PLEKHG3: variants seen among roughly 807,000 people sequenced by gnomAD.
PLEKHG3 encodes the protein pleckstrin homology and RhoGEF domain containing G3, also known as pleckstrin homology domain-containing family G member 3.
PLEKHG3 carries 62 observed loss-of-function variants against 94.9 expected under a neutral mutation model. That is an observed-to-expected ratio of 0.65 (90% CI 0.53 to 0.81). The LOEUF (loss-of-function observed/expected upper bound fraction) is 0.81. PLEKHG3 is among the 30% of genes least tolerant of loss of function. The pLI, the probability that PLEKHG3 is intolerant of heterozygous loss-of-function variation, is 0.00. For synonymous variants in PLEKHG3, 614 were observed against 654.0 expected, an observed-to-expected ratio of 0.94 and a Z score of 0.93; for missense variants, 1,461 against 1,619.3, an observed-to-expected ratio of 0.90 and a Z score of 1.68.
chr14:64,749,702 A>C lies in PLEKHG3; in HGVS notation c.*5999A>C. 6.2e-7 allele frequency: 1 copy of C among 1,613,680 alleles called. No homozygotes were observed. The highest frequency in any genetic ancestry group is 8.5e-7 in the Non-Finnish European group (1 of 1,179,882). ...ACTCGCTGCCATTACTCAGCCTAGG[A>C]GGACAAAGGGTTTCCTGTCATGGAG... On this transcript the variant is annotated 3_prime_UTR_variant, in exon 17 of 17. Coordinates refer to ENST00000247226, the MANE Select transcript of PLEKHG3 (RefSeq NM_001308147.2). The surrounding 1 kb of genome is among the most constrained non-coding windows in gnomAD (Gnocchi z 4.7).
chr14:64,710,935 A>G (rs535231991), intron 1 of PLEKHG3, among the ~76,000 whole-genome samples: 76 of 152,256 alleles, frequency 5.0e-4, no homozygotes, highest in African/African-American at 1.6e-3. Flanking sequence ...TCATCAAGAA[A>G]AGGTTAAATT....
Position 64,730,291 on chromosome 14 carries a change from G to T in PLEKHG3, c.498G>T (p.Val166=), listed in dbSNP as rs1027101490. 4 of 1,535,108 alleles carry T rather than the reference G, an allele frequency of 2.6e-6. No homozygotes were observed. The African/African-American group carries it at 4.1e-5, about 16-fold the overall frequency. ...LDSCNSDPVA[V]ASCFVERSQE... is the part of the protein sequence containing the mutation. ...GCTGCAATAGTGACCCCGTGGCTGT[G>T]GCCAGCTGCTTTGTGGAAAGGGTAA... Residue 166 remains valine, a synonymous_variant, in exon 4 of 17, where the codon GTG becomes GTT. Transcript: ENST00000247226. This position sits in a 1 kb window ranked among gnomAD's most constrained non-coding sequence, Gnocchi z 5.4.
In PLEKHG3 at chr14:64,720,486, C is replaced by A. The variant is rs2081243977; in HGVS notation, c.-39-7107C>A. Among the ~76,000 whole-genome samples, 1 of 152,210 alleles carries A rather than the reference C, an allele frequency of 6.6e-6. No homozygotes were observed. Among genetic ancestry groups the A allele is most frequent in the South Asian group, 2.1e-4 (1 of 4,836 alleles). On this transcript the variant is annotated intron_variant, in intron 1 of 16. Coordinates refer to ENST00000247226, the MANE Select transcript of PLEKHG3 (RefSeq NM_001308147.2). The surrounding 1 kb of genome is among the most constrained non-coding windows in gnomAD (Gnocchi z 4.1). ...GCTCATCCCGGCGCCATCTCAGAGT[C>A]CTTCCAGCAGGCATTTATTGAACAC...
rs754940196 is a variant in PLEKHG3 at position 64,749,460 on chromosome 14, G to A, written c.*5757G>A. On this transcript the variant is annotated 3_prime_UTR_variant, in exon 17 of 17. Coordinates refer to ENST00000247226, the MANE Select transcript of PLEKHG3 (RefSeq NM_001308147.2). This position sits in a 1 kb window ranked among gnomAD's most constrained non-coding sequence, Gnocchi z 4.7. Reference sequence around the variant, plus strand: ...GGCGGTGCTCACGCCCTGCAGCCAGGACAGCATCTCCTCCTGCGGGGCGGA... The same window carrying A: ...GGCGGTGCTCACGCCCTGCAGCCAGAACAGCATCTCCTCCTGCGGGGCGGA... 6 of 1,601,362 alleles carry A rather than the reference G, an allele frequency of 3.7e-6. No individual in the cohort carries two copies. Among genetic ancestry groups the A allele is most frequent in the Non-Finnish European group, 5.1e-6 (6 of 1,178,480 alleles).
Position 64,742,060 on chromosome 14 carries a change from T to C in PLEKHG3, c.2543T>C (p.Ile848Thr), listed in dbSNP as rs2081708763. The C allele has an allele frequency of 6.2e-7, 1 of 1,606,438 alleles. No individual in the cohort carries two copies. The highest frequency in any genetic ancestry group is 8.5e-7 in the Non-Finnish European group (1 of 1,176,162). The change falls in exon 16 of 17, where the codon ATC (isoleucine) becomes ACC (threonine). Residue 848 changes from isoleucine to threonine, a missense_variant. By Grantham distance (89) the Ile-to-Thr change is moderately conservative (BLOSUM62 -1). Coordinates refer to ENST00000247226, the MANE Select transcript of PLEKHG3 (RefSeq NM_001308147.2). ...NGFDLHEPLF[I>T]LEEHELGAIT... Reference sequence around the variant, plus strand: ...TTTGACCTGCATGAGCCACTCTTCATCCTGGAGGAGCATGAGCTGGGAGCC... The same window carrying C: ...TTTGACCTGCATGAGCCACTCTTCACCCTGGAGGAGCATGAGCTGGGAGCC...
rs747776201 is a variant in PLEKHG3, at chr14:64,749,876, G to C, written c.*6173G>C. On this transcript the variant is annotated 3_prime_UTR_variant, in exon 17 of 17. Transcript: ENST00000247226. This position sits in a 1 kb window ranked among gnomAD's most constrained non-coding sequence, Gnocchi z 4.7. ...CTCTTTGATTTGAAAAACCCCTGAGGAGCAGCTCAGGCCTGGCACTGGTCC... is the reference window on the plus strand; with the variant it reads ...CTCTTTGATTTGAAAAACCCCTGAGCAGCAGCTCAGGCCTGGCACTGGTCC... 2.0e-6 allele frequency: 3 copies of C among 1,530,212 alleles called. No homozygotes were observed. In the African/African-American group the frequency reaches 4.1e-5, roughly 21 times the overall value. The allele number at this position is 1,530,212 out of a possible 1,614,324, so 94.8% of individuals were successfully genotyped here.
rs1408222716 is a variant in PLEKHG3, at chr14:64,711,633, C to T, written c.-40+6929C>T. On this transcript the variant is annotated intron_variant, in intron 1 of 16. Transcript: ENST00000247226. ...TTCACCTTGTTAGCCAGGATGGTCT[C>T]GATCTCCTGACCTTGTGATGCGCCT... is the stretch of plus-strand genomic sequence containing the variant. 3.3e-5 allele frequency among the ~76,000 whole-genome samples: 5 copies of T among 152,074 alleles called. No individual in the cohort carries two copies. In the South Asian group the frequency reaches 6.2e-4, roughly 19 times the overall value.
chr14:64,721,200 AGG>A lies in PLEKHG3; in HGVS notation c.-39-6392_-39-6391del, dbSNP rs1320314895. On this transcript the variant is annotated intron_variant, in intron 1 of 16. Transcript: ENST00000247226. This position sits in a 1 kb window ranked among gnomAD's most constrained non-coding sequence, Gnocchi z 4.3. The stretch of plus-strand genomic sequence containing the variant: ...AATGGTTGAGGAGGCCTTTCTCTGA[AGG>A]AGATGATTGCTAAATGTGTATAGGC... Among the ~76,000 whole-genome samples the A allele has an allele frequency of 6.6e-6, 1 of 152,182 alleles. No homozygotes were observed. The highest frequency in any genetic ancestry group is 1.5e-5 in the Non-Finnish European group (1 of 68,030).
At chr14:64,734,563 G>A (rs1185707200) in intron 12 of PLEKHG3, among the ~76,000 whole-genome samples, 3 of 152,216 alleles carry the variant, frequency 2.0e-5, no homozygotes, top group Admixed American at 6.5e-5. Context: ...AACTTTAGGT[G>A]TCCAAGGCAC....
In PLEKHG3 at chr14:64,731,862, C is replaced by CAG; in HGVS notation, c.1125+56_1125+57insAG. Reference sequence around the variant, plus strand: ...GAACAAGATGCCCAGGGGACACCTGCGTGGGACTCCTGGCTCCTCTGCTCA... The same window carrying CAG: ...GAACAAGATGCCCAGGGGACACCTGCAGGTGGGACTCCTGGCTCCTCTGCTCA... On this transcript the variant is annotated intron_variant, in intron 9 of 16. Coordinates refer to ENST00000247226, the MANE Select transcript of PLEKHG3 (RefSeq NM_001308147.2). The surrounding 1 kb of genome is among the most constrained non-coding windows in gnomAD (Gnocchi z 6.1). The CAG allele has an allele frequency of 7.9e-7, 1 of 1,266,394 alleles. No homozygotes were observed. The highest frequency in any genetic ancestry group is 1.2e-6 in the Non-Finnish European group (1 of 868,642). 78.4% of individuals were successfully genotyped at this position (1,266,394 alleles called of 1,614,324 possible). A position where few individuals can be genotyped will look rare whatever the true frequency, so the allele number is the denominator to read the frequency against.
Position 64,741,448 on chromosome 14 carries a change from T to C in PLEKHG3, c.1931T>C (p.Leu644Pro). The C allele has an allele frequency of 6.2e-7, 1 of 1,612,614 alleles. No homozygotes were observed. The highest frequency in any genetic ancestry group is 8.5e-7 in the Non-Finnish European group (1 of 1,179,990). Residue 644 changes from leucine (L) to proline (P), a missense_variant, in exon 16 of 17, where the codon CTG becomes CCG. This residue lies in a region of PLEKHG3 where 1,201 missense variants were observed against 1,295.5 expected (regional missense o/e 0.93). Coordinates refer to ENST00000247226, the MANE Select transcript of PLEKHG3 (RefSeq NM_001308147.2). ...AGCCGGAGCAGCAGCGTGCTCAGCC[T>C]GGAGGGCAGCGAGAAGGGCCTGGCC... ...LVSRSSSVLSLEGSEKGLARH... is the reference protein window; with the variant it reads ...LVSRSSSVLSPEGSEKGLARH...
chr14:64,738,586 T>C lies in PLEKHG3; in HGVS notation c.1405-156T>C, dbSNP rs989737671. On this transcript the variant is annotated intron_variant, in intron 14 of 16. Transcript: ENST00000247226. The surrounding 1 kb of genome is among the most constrained non-coding windows in gnomAD (Gnocchi z 4.8). ...ACAAGGCTTTCCGCAGCCCCAGGCC[T>C]GGCAGTTCAGGTTGGCTCTGGAATG... Among the ~76,000 whole-genome samples the C allele has an allele frequency of 6.6e-6, 1 of 152,246 alleles. No homozygotes were observed. The highest frequency in any genetic ancestry group is 1.5e-5 in the Non-Finnish European group (1 of 68,038).
chr14:64,732,477 C>T lies in PLEKHG3; in HGVS notation c.1246+17C>T, dbSNP rs2081487182. The stretch of plus-strand genomic sequence containing the variant: ...ATTCCTATTGTAAGTGTACCCTTTT[C>T]TGCCTGTTTTGTCCCTAATCGTGCA... On this transcript the variant is annotated intron_variant, in intron 11 of 16. Transcript: ENST00000247226. The surrounding 1 kb of genome is among the most constrained non-coding windows in gnomAD (Gnocchi z 4.9). The T allele has an allele frequency of 6.2e-7, 1 of 1,610,852 alleles. No individual in the cohort carries two copies. The highest frequency in any genetic ancestry group is 2.2e-5 in the East Asian group (1 of 44,872).
Position 64,715,521 on chromosome 14 carries a change from T to A in PLEKHG3, c.-40+10817T>A, listed in dbSNP as rs961826490. ...CCACTTGTGCCTCAGTTTCCTGACCTGTAAAATAGGGATGGCCACCTGCCT... is the reference window on the plus strand; with the variant it reads ...CCACTTGTGCCTCAGTTTCCTGACCAGTAAAATAGGGATGGCCACCTGCCT... On this transcript the variant is annotated intron_variant, in intron 1 of 16. Coordinates refer to ENST00000247226, the MANE Select transcript of PLEKHG3 (RefSeq NM_001308147.2). This position sits in a 1 kb window ranked among gnomAD's most constrained non-coding sequence, Gnocchi z 4.4. Among the ~76,000 whole-genome samples the A allele has an allele frequency of 1.3e-5, 2 of 152,162 alleles. No individual in the cohort carries two copies. The highest frequency in any genetic ancestry group is 6.5e-5 in the Admixed American group (1 of 15,286).
rs1594718414 is a variant in PLEKHG3, at chr14:64,743,065, G to A, written c.3022G>A (p.Gly1008Arg). Reference protein sequence around the residue: ...EHSPPKPSSAGEMSPQRFFFN... With the variant: ...EHSPPKPSSAREMSPQRFFFN... ...CAGCCCTCCCAAGCCCTCCTCGGCT[G>A]GGGAGATGTCACCACAGCGTTTCTT... The change falls in exon 17 of 17, where the codon GGG (glycine) becomes AGG (arginine). Residue 1008 changes from glycine (G) to arginine (R), a missense_variant. Gly to Arg is a moderately radical substitution (Grantham distance 125). This residue lies in a region of PLEKHG3 where 1,201 missense variants were observed against 1,295.5 expected (regional missense o/e 0.93). Coordinates refer to ENST00000247226, the MANE Select transcript of PLEKHG3 (RefSeq NM_001308147.2). This position sits in a 1 kb window ranked among gnomAD's most constrained non-coding sequence, Gnocchi z 7.2. 21 of 1,613,076 alleles carry A rather than the reference G, an allele frequency of 1.3e-5. No individual in the cohort carries two copies. Among genetic ancestry groups the A allele is most frequent in the Non-Finnish European group, 1.8e-5 (21 of 1,179,812 alleles).
rs2081165626 is a variant in PLEKHG3 at position 64,716,534 on chromosome 14, C to CACACACACAA, written c.-39-11050_-39-11049insAACACACACA. On this transcript the variant is annotated intron_variant, in intron 1 of 16. Coordinates refer to ENST00000247226, the MANE Select transcript of PLEKHG3 (RefSeq NM_001308147.2). This position sits in a 1 kb window ranked among gnomAD's most constrained non-coding sequence, Gnocchi z 5.0. ...ACACACACACACACACACACACACACACACACACACACACACAAAGCAGAG... is the reference window on the plus strand; with the variant it reads ...ACACACACACACACACACACACACACACACACACAAACACACACACACACACAAAGCAGAG... 1.3e-5 allele frequency among the ~76,000 whole-genome samples: 2 copies of CACACACACAA among 148,948 alleles called. No homozygotes were observed. The highest frequency in any genetic ancestry group is 3.0e-5 in the Non-Finnish European group (2 of 67,318).
Position 64,731,648 on chromosome 14 carries a change from G to A in PLEKHG3, c.1033-66G>A. Reference sequence around the variant, plus strand: ...TGGGGCTCCAGCACCACCCTTCTGAGATCACCCTCCCTGCTTCCCCAGGCT... The same window carrying A: ...TGGGGCTCCAGCACCACCCTTCTGAAATCACCCTCCCTGCTTCCCCAGGCT... On this transcript the variant is annotated intron_variant, in intron 8 of 16. Transcript: ENST00000247226. This position sits in a 1 kb window ranked among gnomAD's most constrained non-coding sequence, Gnocchi z 6.1. 1 of 1,515,288 alleles carries A rather than the reference G, an allele frequency of 6.6e-7. No individual in the cohort carries two copies. The highest frequency in any genetic ancestry group is 2.3e-5 in the East Asian group (1 of 44,356). The allele number at this position is 1,515,288 out of a possible 1,614,324, so 93.9% of individuals were successfully genotyped here. A position where few individuals can be genotyped will look rare whatever the true frequency, so the allele number is the denominator to read the frequency against.
intron 12 of PLEKHG3, among the ~76,000 whole-genome samples, chr14:64,734,571 C>T (rs1375471516): frequency 6.6e-6 from 1 of 152,218 alleles, no homozygotes. Context: ...GTGTCCAAGG[C>T]ACTCAGGAAA....
At chr14:64,736,755 T>C (rs1594703397) in intron 12 of PLEKHG3, 98 bp from the exon 13 acceptor site, 1 of 894,258 alleles carries the variant, frequency 1.1e-6, no homozygotes, top group African/African-American at 1.6e-5. Flanking sequence ...GAGTGGACTT[T>C]GAGCTGGTGA....
Sources: gnomAD v4.1 joint callset for allele counts (sites outside exome capture counted in the v4.1 genomes callset) on GRCh38, gnomAD v4.1.1 for gene constraint, gnomAD v4.1.1 regional missense constraint, Gnocchi (gnomAD v3.1) non-coding constraint, MANE v1.5 for transcripts, NCBI Gene and HGNC (gene_info 2026-07-23, HGNC 2026-07-21) for gene names.